BTBD16: variants seen among roughly 807,000 people sequenced by gnomAD.
The protein encoded by BTBD16 is BTB/POZ domain-containing protein 16.
Under a neutral mutation model 67.4 loss-of-function variants are expected in BTBD16, and 66 were observed. The observed-to-expected ratio is 0.98, with a 90% CI of 0.80 to 1.20. The LOEUF (loss-of-function observed/expected upper bound fraction) is 1.20. Ranked by LOEUF, BTBD16 falls within the 50% of genes most tolerant of loss-of-function variation. The pLI is 0.00. For missense variants in BTBD16, 634 were observed against 616.0 expected, an observed-to-expected ratio of 1.03 and a Z score of -0.31; for synonymous variants, 242 against 236.4, an observed-to-expected ratio of 1.02 and a Z score of -0.22.
intron 11 of BTBD16, among the ~76,000 whole-genome samples, chr10:122,330,762 C>G (rs2096453842): frequency 1.3e-5 from 2 of 152,104 alleles, no homozygotes; most frequent in Admixed American, 6.6e-5. Context: ...GAGTTTCACT[C>G]TGTCCCCCAA....
chr10:122,307,516 T>C (rs1318965229), intron 10 of BTBD16, among the ~76,000 whole-genome samples: 2 of 152,114 alleles, frequency 1.3e-5, no homozygotes, highest in Non-Finnish European at 2.9e-5. Context: ...GGTGTTGTAC[T>C]ATGAGATAAT....
At position 122,286,202 on chromosome 10, in the gene BTBD16, G is replaced by T. The variant is rs140722341; in HGVS notation, c.339G>T (p.Ala113=). 4 of 1,613,822 alleles carry T rather than the reference G, an allele frequency of 2.5e-6. No individual in the cohort carries two copies. The highest frequency in any genetic ancestry group is 1.3e-5 in the African/African-American group (1 of 75,030). ...TLAKLYLKAL[A]QGTTHPLREL... is the part of the protein sequence containing the mutation. ...CCAAGCTCTACCTGAAAGCCCTGGC[G>T]CAGGGCACCACACACCCCCTGAGGG... The change falls in exon 5 of 16, where the codon GCG becomes GCT. Residue 113 remains alanine, a synonymous_variant. Coordinates refer to ENST00000260723, the MANE Select transcript of BTBD16 (RefSeq NM_144587.5).
At chr10:122,337,524 G>A (rs933684727) in intron 15 of BTBD16, among the ~76,000 whole-genome samples, 1 of 152,188 alleles carries the variant, frequency 6.6e-6, no homozygotes. Context: ...GAGTGCAGTG[G>A]CACAATCTCG....
chr10:122,329,491 A>G lies in BTBD16; in HGVS notation c.923A>G (p.Asn308Ser), dbSNP rs1444826392. 3.1e-6 allele frequency: 5 copies of G among 1,613,382 alleles called. No homozygotes were observed. The African/African-American group carries it at 6.7e-5, about 22-fold the overall frequency. The part of the protein sequence containing the change: ...VMTFFKSFPE[N>S]CCFLDRDIGR... ...ATGCCTCTGCTAAGCTTTCCTGAGA[A>G]CTGTTGCTTTCTGGACCGGGACATA... The change falls in exon 11 of 16, where the codon AAC (asparagine) becomes AGC (serine). Residue 308 changes from asparagine (N) to serine (S), a missense_variant. By Grantham distance (46) the Asn-to-Ser change is conservative. Transcript: ENST00000260723.
Position 122,338,146 on chromosome 10 carries a change from T to C in BTBD16, c.*61T>C. 7.3e-7 allele frequency: 1 copy of C among 1,375,066 alleles called. No individual in the cohort carries two copies. Among genetic ancestry groups the C allele is most frequent in the Admixed American group, 1.8e-5 (1 of 54,088 alleles). The allele number at this position is 1,375,066 out of a possible 1,614,324, so 85.2% of individuals were successfully genotyped here. A position where few individuals can be genotyped will look rare whatever the true frequency, so the allele number is the denominator to read the frequency against. ...CTGGTCTGCATAAAAGAAAATAAAA[T>C]GACATAAAAGGGAGCACTCAAGCAT... is the stretch of plus-strand genomic sequence containing the variant. On this transcript the variant is annotated 3_prime_UTR_variant, in exon 16 of 16. Coordinates refer to ENST00000260723, the MANE Select transcript of BTBD16 (RefSeq NM_144587.5).
chr10:122,299,996 C>G lies in BTBD16; in HGVS notation c.791+862C>G, dbSNP rs372183719. 6.6e-5 allele frequency among the ~76,000 whole-genome samples: 10 copies of G among 152,342 alleles called. 1 individual carries two copies. In the South Asian group the frequency reaches 1.7e-3, roughly 25 times the overall value. On this transcript the variant is annotated intron_variant, in intron 9 of 15. Transcript: ENST00000260723. ...ATACCGGGCCTTGGTTCATGCCCAT[C>G]CTCCTACCTGAAATGCCTGTCCCCT...
chr10:122,280,067 C>A (rs1270518839), intron 3 of BTBD16, among the ~76,000 whole-genome samples: 1 of 152,100 alleles, frequency 6.6e-6, no homozygotes, highest in Non-Finnish European at 1.5e-5. Flanking sequence ...TTACCTTGGT[C>A]CTTTTGCAGG....
intron 10 of BTBD16, among the ~76,000 whole-genome samples, chr10:122,320,384 G>A (rs1275639151): frequency 6.6e-6 from 1 of 151,906 alleles, no homozygotes; most frequent in Non-Finnish European, 1.5e-5. Context: ...TATCTAGTTT[G>A]ATGATAAATT....
At chr10:122,303,831 A>C (rs567141622) in intron 9 of BTBD16, among the ~76,000 whole-genome samples, 1 of 152,284 alleles carries the variant, frequency 6.6e-6, no homozygotes, top group South Asian at 2.1e-4. Flanking sequence ...CTCTTAGGTA[A>C]ATGAAAAGGT....
intron 10 of BTBD16, 113 bp downstream of exon 10, chr10:122,307,421 C>A: frequency 8.8e-7 from 1 of 1,132,364 alleles, no homozygotes; most frequent in Non-Finnish European, 1.2e-6. Context: ...TAGCATCATT[C>A]AGAGGGCACT....
At chr10:122,331,598 A>G (rs976519837) in intron 12 of BTBD16, among the ~76,000 whole-genome samples, 2 of 152,112 alleles carry the variant, frequency 1.3e-5, no homozygotes, top group African/African-American at 4.8e-5. Context: ...ATTTCAAATC[A>G]CTTTTCTTAG....
chr10:122,286,095 C>T lies in BTBD16; in HGVS notation c.242-10C>T. On this transcript the variant is annotated splice_polypyrimidine_tract_variant and intron_variant, in intron 4 of 15. Transcript: ENST00000260723. The stretch of plus-strand genomic sequence containing the variant: ...TGATGTGTTTGCTCAGCATCATTTT[C>T]TGTCCTCAGATGTGATTCTCGAGTG... The T allele has an allele frequency of 6.2e-7, 1 of 1,609,544 alleles. No individual in the cohort carries two copies. Among genetic ancestry groups the T allele is most frequent in the South Asian group, 1.1e-5 (1 of 90,648 alleles).
At chr10:122,301,546 A>C (rs901863504) in intron 9 of BTBD16, among the ~76,000 whole-genome samples, 1 of 152,104 alleles carries the variant, frequency 6.6e-6, no homozygotes, top group South Asian at 2.1e-4. Context: ...GGCTCTGCCC[A>C]CATCTTCTGA....
intron 10 of BTBD16, among the ~76,000 whole-genome samples, chr10:122,317,419 T>G (rs2096427333): frequency 1.3e-5 from 2 of 151,912 alleles, no homozygotes; most frequent in African/African-American, 2.4e-5. Context: ...AGGCCGAGGC[T>G]GGTGGATCAT....
At position 122,299,077 on chromosome 10, in the gene BTBD16, A is replaced by G. The variant is rs2096389197; in HGVS notation, c.734A>G (p.Gln245Arg). 6.2e-7 allele frequency: 1 copy of G among 1,613,956 alleles called. No homozygotes were observed. Among genetic ancestry groups the G allele is most frequent in the Non-Finnish European group, 8.5e-7 (1 of 1,180,024 alleles). Residue 245 changes from glutamine (Q) to arginine (R), a missense_variant, in exon 9 of 16, where the codon CAG (glutamine) becomes CGG (arginine). Physicochemically the swap from Gln to Arg is conservative, Grantham distance 43. Transcript: ENST00000260723. ...AACTTGGTTCCTCTAGGGGGGACGC[A>G]GATCCACCTCCACAAAATCCCACAG... ...EMNLVPLGGT[Q>R]IHLHKIPQDL...
chr10:122,330,588 A>G (rs2096453532), intron 11 of BTBD16, among the ~76,000 whole-genome samples: 1 of 152,220 alleles, frequency 6.6e-6, no homozygotes, highest in African/African-American at 2.4e-5. Flanking sequence ...ATTCAAAATA[A>G]TATGTTACAC....
chr10:122,292,556 T>C (rs1233015382), intron 7 of BTBD16, among the ~76,000 whole-genome samples: 1 of 152,248 alleles, frequency 6.6e-6, no homozygotes, highest in Non-Finnish European at 1.5e-5. Flanking sequence ...ACTTGCTAAT[T>C]TGTGGTTCTG....
At chr10:122,287,032 A>C (rs1027898679) in intron 5 of BTBD16, among the ~76,000 whole-genome samples, 5 of 152,226 alleles carry the variant, frequency 3.3e-5, no homozygotes, top group Admixed American at 6.5e-5. Context: ...CTAGAGCCAG[A>C]CAGGCAGCCG....
At chr10:122,310,426 G>C (rs1564998088) in intron 10 of BTBD16, among the ~76,000 whole-genome samples, 2 of 152,314 alleles carry the variant, frequency 1.3e-5, no homozygotes, top group East Asian at 3.9e-4. Flanking sequence ...GGTGGCCGGA[G>C]GGCTCCAGCT....
Sources: allele counts gnomAD v4.1 joint callset (sites outside exome capture counted in the v4.1 genomes callset), GRCh38; gene constraint gnomAD v4.1.1; transcripts MANE v1.5; gene names NCBI Gene and HGNC (gene_info 2026-07-23, HGNC 2026-07-21).